DNAAF4: variants seen among roughly 807,000 people sequenced by gnomAD.
DNAAF4 encodes the protein dynein axonemal assembly factor 4.
A neutral mutation model predicts 51.8 loss-of-function variants in DNAAF4; 43 were observed. The ratio of observed to expected loss-of-function variants is 0.83; its 90% CI spans 0.65 to 1.07. DNAAF4 has a LOEUF of 1.07. DNAAF4 is among the 50% of genes least tolerant of loss of function. DNAAF4 has a pLI of 0.00. For synonymous variants in DNAAF4, 194 were observed against 165.6 expected, an observed-to-expected ratio of 1.17 and a Z score of -1.32; for missense variants, 581 against 493.0, an observed-to-expected ratio of 1.18 and a Z score of -1.69.
intron 5 of DNAAF4, among the ~76,000 whole-genome samples, chr15:55,452,139 T>C (rs866004745): frequency 8.0e-5 from 12 of 149,566 alleles, no homozygotes; most frequent in African/African-American, 2.0e-4. Flanking sequence ...TCCCAGCTAT[T>C]TGGGAAGCTG....
At chr15:55,488,953 G>C (rs1021126020) in intron 4 of DNAAF4, among the ~76,000 whole-genome samples, 1 of 152,100 alleles carries the variant, frequency 6.6e-6, no homozygotes, top group Non-Finnish European at 1.5e-5. Context: ...GCCAGGCGTA[G>C]TGGCAGGCAC....
chr15:55,444,927 C>G (rs2057772701), intron 6 of DNAAF4, among the ~76,000 whole-genome samples: 1 of 151,588 alleles, frequency 6.6e-6, no homozygotes, highest in Non-Finnish European at 1.5e-5. Context: ...AGTTGCTTAT[C>G]AGCTTAAGGA....
At chr15:55,463,907 A>G (rs1049120775) in intron 5 of DNAAF4, among the ~76,000 whole-genome samples, 1 of 152,180 alleles carries the variant, frequency 6.6e-6, no homozygotes, top group African/African-American at 2.4e-5. Flanking sequence ...AATTCAGTGC[A>G]ATTCCCATCA....
rs182418093 is a variant in DNAAF4, at chr15:55,446,971, G to A, written c.783+3251C>T. Among the ~76,000 whole-genome samples the A allele has an allele frequency of 2.2e-3, 301 of 134,176 alleles. 3 individuals carry two copies. Among genetic ancestry groups the A allele is most frequent in the East Asian group, 1.9e-3 (8 of 4,144 alleles). The allele number at this position is 134,176 out of a possible 152,430, so 88.0% of individuals were successfully genotyped here. A position where few individuals can be genotyped will look rare whatever the true frequency, so the allele number is the denominator to read the frequency against. The stretch of plus-strand genomic sequence containing the variant: ...AGATGATGGGCGGCCGGGCAGAGGC[G>A]CTCCCCACTTCCCAGACGGGGCAGC... On this transcript the variant is annotated intron_variant, in intron 6 of 9. Transcript: ENST00000321149.
At chr15:55,421,568 TAC>T (rs1242961433) in intron 7 of DNAAF4, among the ~76,000 whole-genome samples, 4 of 152,056 alleles carry the variant, frequency 2.6e-5, no homozygotes, top group Non-Finnish European at 5.9e-5. Flanking sequence ...TTTCATTATA[TAC>T]ACAGTCATTC....
Position 55,457,640 on chromosome 15 carries a change from T to C in DNAAF4, c.638-7273A>G, listed in dbSNP as rs183483155. Among the ~76,000 whole-genome samples the C allele has an allele frequency of 1.1e-3, 167 of 152,272 alleles. 1 individual carries two copies. The highest frequency in any genetic ancestry group is 3.8e-3 in the African/African-American group (158 of 41,546). On this transcript the variant is annotated intron_variant, in intron 5 of 9. Coordinates refer to ENST00000321149, the MANE Select transcript of DNAAF4 (RefSeq NM_130810.4). Reference sequence around the variant, plus strand: ...ATAGCAACTCATAACAGAACAACCCTGCTCCAAAGAAGGAGAAAACAACAG... The same window carrying C: ...ATAGCAACTCATAACAGAACAACCCCGCTCCAAAGAAGGAGAAAACAACAG...
intron 3 of DNAAF4, among the ~76,000 whole-genome samples, chr15:55,491,729 AATATAAT>A (rs1019086539): frequency 1.5e-5 from 2 of 129,328 alleles, no homozygotes; most frequent in African/African-American, 2.7e-5. Context: ...AATAGTATAT[AATATAAT>A]ATATAATATT....
chr15:55,441,248 T>A (rs2141427915), intron 6 of DNAAF4, among the ~76,000 whole-genome samples: 1 of 150,930 alleles, frequency 6.6e-6, no homozygotes, highest in South Asian at 2.1e-4. Context: ...GTTTTTGTAT[T>A]TTTAGTAGAG....
chr15:55,429,521 G>GAA (rs771397536), downstream of DNAAF4, among the ~76,000 whole-genome samples: 41 of 89,320 alleles, frequency 4.6e-4, no homozygotes, highest in Non-Finnish European at 5.0e-4. Flanking sequence ...TGTGTCTCAA[G>GAA]AAAAAAAAAA....
At chr15:55,498,064 G>A in intron 2 of DNAAF4, 143 bp downstream of exon 2, 1 of 1,432,198 alleles carries the variant, frequency 7.0e-7, no homozygotes, top group Non-Finnish European at 9.5e-7. Context: ...TGTGTTACCT[G>A]TATGGGATTC....
intron 1 of DNAAF4, among the ~76,000 whole-genome samples, chr15:55,501,378 T>TTC (rs1215021154): frequency 1.4e-3 from 146 of 106,800 alleles, no homozygotes; most frequent in African/African-American, 7.3e-3. Flanking sequence ...CTTTCTTTCT[T>TTC]TTTTTTTTTT....
chr15:55,447,045 GCTC>G (rs911239787), intron 6 of DNAAF4, among the ~76,000 whole-genome samples: 2 of 148,638 alleles, frequency 1.3e-5, no homozygotes, highest in African/African-American at 5.0e-5. Flanking sequence ...GGGCAGAGGC[GCTC>G]CTCACTTCCC....
chr15:55,450,194 T>C, intron 6 of DNAAF4, 28 bp downstream of exon 6: 2 of 1,556,056 alleles, frequency 1.3e-6, no homozygotes, highest in Non-Finnish European at 1.7e-6. Context: ...TCATTTGTGG[T>C]AATTGTAACT....
At chr15:55,446,423 G>A (rs1459796750) in intron 6 of DNAAF4, among the ~76,000 whole-genome samples, 58 of 142,830 alleles carry the variant, frequency 4.1e-4, no homozygotes, top group Admixed American at 1.1e-3. Context: ...CAGACGGGGC[G>A]GCCGGGCAGA....
intron 3 of DNAAF4, 117 bp downstream of exon 3, chr15:55,497,595 T>G: frequency 9.4e-7 from 1 of 1,063,438 alleles, no homozygotes; most frequent in Admixed American, 2.9e-5. Context: ...GCAAGACTCT[T>G]AAAAAAAAAA....
chr15:55,497,595 T>C (rs1183031981), intron 3 of DNAAF4, 117 bp downstream of exon 3: 32 of 1,063,438 alleles, frequency 3.0e-5, no homozygotes, highest in Non-Finnish European at 3.8e-5. Flanking sequence ...GCAAGACTCT[T>C]AAAAAAAAAA....
intron 8 of DNAAF4, among the ~76,000 whole-genome samples, 191 bp from the exon 9 acceptor site, chr15:55,432,793 T>C (rs2057517535): frequency 6.9e-6 from 1 of 145,734 alleles, no homozygotes; most frequent in Non-Finnish European, 1.5e-5. Flanking sequence ...TAAAAAAAAA[T>C]ACAAAAATTA....
At chr15:55,498,040 C>G (rs1243268036) in intron 2 of DNAAF4, among the ~76,000 whole-genome samples, 167 bp downstream of exon 2, 1 of 152,244 alleles carries the variant, frequency 6.6e-6, no homozygotes, top group Non-Finnish European at 1.5e-5. Context: ...ATCTGATTAT[C>G]TGTCTACAGA....
chr15:55,481,151 G>A lies in DNAAF4; in HGVS notation c.405+9972C>T, dbSNP rs1192026064. Among the ~76,000 whole-genome samples the A allele has an allele frequency of 1.6e-4, 25 of 152,108 alleles. 1 individual carries two copies. Among genetic ancestry groups the A allele is most frequent in the Admixed American group, 1.5e-3 (23 of 15,248 alleles). Reference sequence around the variant, plus strand: ...AAACTCTTTCCTTTATAAATTACCCGATCTTGGGTATGTCTTCATTAGCAG... The same window carrying A: ...AAACTCTTTCCTTTATAAATTACCCAATCTTGGGTATGTCTTCATTAGCAG... On this transcript the variant is annotated intron_variant, in intron 4 of 9. Transcript: ENST00000321149.
Sources: allele counts gnomAD v4.1 joint callset (sites outside exome capture counted in the v4.1 genomes callset), GRCh38; gene constraint gnomAD v4.1.1; transcripts MANE v1.5; gene names NCBI Gene and HGNC (gene_info 2026-07-23, HGNC 2026-07-21).